GLT1D1: variants seen among roughly 807,000 people sequenced by gnomAD.
GLT1D1 encodes the protein glycosyltransferase 1 domain containing 1, also known as glycosyltransferase 1 domain-containing protein 1.
GLT1D1 carries 21 observed loss-of-function variants against 28.7 expected under a neutral mutation model. The observed-to-expected ratio is 0.73, with a 90% CI of 0.52 to 1.05. The LOEUF is 1.05. Ranked by LOEUF, GLT1D1 falls within the 50% of genes least tolerant of loss-of-function variation. The pLI is 0.00. For synonymous variants in GLT1D1, 147 were observed against 124.8 expected, an observed-to-expected ratio of 1.18 and a Z score of -1.19; for missense variants, 343 against 330.6, an observed-to-expected ratio of 1.04 and a Z score of -0.29.
chr12:128,909,862 G>A (rs530481643), intron 4 of GLT1D1, among the ~76,000 whole-genome samples: 1 of 152,344 alleles, frequency 6.6e-6, no homozygotes, highest in East Asian at 1.9e-4. Context: ...GCCATTGTGT[G>A]CACTGATGAG....
At chr12:128,871,563 TATC>T (rs1317894848) in intron 1 of GLT1D1, among the ~76,000 whole-genome samples, 2 of 152,100 alleles carry the variant, frequency 1.3e-5, no homozygotes, top group Non-Finnish European at 2.9e-5. Flanking sequence ...GAGAGAAAAA[TATC>T]ATCCACATAT....
chr12:128,962,019 CT>C (rs1878009564), intron 7 of GLT1D1, among the ~76,000 whole-genome samples: 1 of 152,038 alleles, frequency 6.6e-6, no homozygotes, highest in African/African-American at 2.4e-5. Context: ...GTGTGTGCCC[CT>C]GTCCCCCTCC....
chr12:128,934,428 A>G (rs1267617228), intron 4 of GLT1D1, among the ~76,000 whole-genome samples: 3 of 152,254 alleles, frequency 2.0e-5, no homozygotes, highest in East Asian at 3.9e-4. Flanking sequence ...TCCTGACTTC[A>G]GGTGATCCAC....
chr12:128,967,524 C>T (rs143923520), intron 7 of GLT1D1, among the ~76,000 whole-genome samples: 2,447 of 152,332 alleles, frequency 0.016, 29 homozygotes, highest in Middle Eastern at 0.031. Flanking sequence ...CTCCCTTCCC[C>T]TGGAAAAAAA....
chr12:128,911,395 T>C (rs536381242), intron 4 of GLT1D1, among the ~76,000 whole-genome samples: 2 of 152,204 alleles, frequency 1.3e-5, no homozygotes, highest in Non-Finnish European at 2.9e-5. Flanking sequence ...CCAACGTGGA[T>C]CAGCATACCC....
At chr12:128,959,191 C>T (rs1877635911) in intron 7 of GLT1D1, among the ~76,000 whole-genome samples, 1 of 151,646 alleles carries the variant, frequency 6.6e-6, no homozygotes, top group Non-Finnish European at 1.5e-5. Context: ...TTTATTAAAG[C>T]ACATATGATA....
chr12:128,853,519 G>T lies in GLT1D1; in HGVS notation c.-63G>T. 1 of 1,013,170 alleles carries T rather than the reference G, an allele frequency of 9.9e-7. No homozygotes were observed. The highest frequency in any genetic ancestry group is 1.2e-6 in the Non-Finnish European group (1 of 850,078). 62.8% of individuals were successfully genotyped at this position (1,013,170 alleles called of 1,614,324 possible). A position where few individuals can be genotyped will look rare whatever the true frequency, so the allele number is the denominator to read the frequency against. On this transcript the variant is annotated 5_prime_UTR_variant, in exon 1 of 8. Coordinates refer to ENST00000281703, the MANE Select transcript of GLT1D1 (RefSeq NM_144669.3). ...CGGCTCCCCCGCCGTCCGCGTCTGCGCCGGCCCCGGGGCCTGGTCGGCGGC... is the reference window on the plus strand; with the variant it reads ...CGGCTCCCCCGCCGTCCGCGTCTGCTCCGGCCCCGGGGCCTGGTCGGCGGC...
At chr12:128,958,586 C>CAAAAAAAA (rs1164628353) in intron 7 of GLT1D1, among the ~76,000 whole-genome samples, 1 of 74,438 alleles carries the variant, frequency 1.3e-5, no homozygotes, top group Non-Finnish European at 2.4e-5. Flanking sequence ...ATTAAAAAGA[C>CAAAAAAAA]AAAAAAAAAA....
At chr12:128,925,784 C>T (rs1194692524) in intron 4 of GLT1D1, among the ~76,000 whole-genome samples, 1 of 152,186 alleles carries the variant, frequency 6.6e-6, no homozygotes, top group East Asian at 1.9e-4. Flanking sequence ...TGAGTCAGTT[C>T]CCCCGTGCCT....
intron 1 of GLT1D1, among the ~76,000 whole-genome samples, chr12:128,861,758 G>A (rs569531448): frequency 1.3e-5 from 2 of 152,056 alleles, no homozygotes; most frequent in African/African-American, 4.8e-5. Context: ...GAAAGCGAAG[G>A]AAGAAATGCA....
chr12:128,911,817 G>A (rs901019859), intron 4 of GLT1D1, among the ~76,000 whole-genome samples: 10 of 151,896 alleles, frequency 6.6e-5, no homozygotes, highest in East Asian at 1.9e-4. Context: ...ATCCATATCC[G>A]TCATGCAAGG....
intron 1 of GLT1D1, among the ~76,000 whole-genome samples, chr12:128,874,152 T>C (rs1176023774): frequency 3.8e-5 from 5 of 129,964 alleles, no homozygotes; most frequent in Admixed American, 8.5e-5. Flanking sequence ...CTTTCTTTCT[T>C]TCTTTCTTTC....
chr12:128,908,032 C>T (rs1371262475), intron 4 of GLT1D1, among the ~76,000 whole-genome samples: 1 of 152,186 alleles, frequency 6.6e-6, no homozygotes, highest in Non-Finnish European at 1.5e-5. Context: ...TGGGGTGCCA[C>T]ACTCTCATCC....
At chr12:128,970,346 T>A (rs1317239759) in intron 7 of GLT1D1, among the ~76,000 whole-genome samples, 1 of 152,268 alleles carries the variant, frequency 6.6e-6, no homozygotes, top group African/African-American at 2.4e-5. Context: ...TTCCCATCTG[T>A]CCCACTTCTC....
chr12:128,977,518 T>A (rs981045852), intron 7 of GLT1D1, among the ~76,000 whole-genome samples: 2 of 152,130 alleles, frequency 1.3e-5, no homozygotes, highest in African/African-American at 4.8e-5. Flanking sequence ...TTTACATAAA[T>A]ATCCAGAATT....
chr12:128,980,857 C>T (rs1377743191), intron 7 of GLT1D1, among the ~76,000 whole-genome samples: 2 of 152,228 alleles, frequency 1.3e-5, no homozygotes, highest in African/African-American at 2.4e-5. Flanking sequence ...ACCCACTCAA[C>T]GGGGACAGTG....
Position 128,983,227 on chromosome 12 carries a change from T to A in GLT1D1, c.*137T>A. 1.3e-6 allele frequency: 1 copy of A among 745,966 alleles called. No homozygotes were observed. The highest frequency in any genetic ancestry group is 2.2e-6 in the Non-Finnish European group (1 of 453,930). The allele number at this position is 745,966 out of a possible 1,614,324, so 46.2% of individuals were successfully genotyped here. A position where few individuals can be genotyped will look rare whatever the true frequency, so the allele number is the denominator to read the frequency against. On this transcript the variant is annotated 3_prime_UTR_variant, in exon 8 of 8. Transcript: ENST00000281703. The surrounding 1 kb of genome is among the most constrained non-coding windows in gnomAD (Gnocchi z 4.7). ...GCGGAATCCTAGAAAATGTTAGTCGTGAGTCCCCAGAGCCACTGCATTCAT... is the reference window on the plus strand; with the variant it reads ...GCGGAATCCTAGAAAATGTTAGTCGAGAGTCCCCAGAGCCACTGCATTCAT...
chr12:128,864,035 C>CT (rs1956450681), intron 1 of GLT1D1: 1 of 488,638 alleles, frequency 2.0e-6, no homozygotes, highest in Non-Finnish European at 3.7e-6. Context: ...GAGAAGAGCA[C>CT]TAGGGGGACT....
At chr12:128,879,681 T>C (rs2135807087) in intron 2 of GLT1D1, among the ~76,000 whole-genome samples, 1 of 152,260 alleles carries the variant, frequency 6.6e-6, no homozygotes, top group East Asian at 1.9e-4. Context: ...GGTCTCCATC[T>C]CCTGGCTTAA....
Sources: gnomAD v4.1 joint callset for allele counts (sites outside exome capture counted in the v4.1 genomes callset) on GRCh38, gnomAD v4.1.1 for gene constraint, Gnocchi (gnomAD v3.1) non-coding constraint, MANE v1.5 for transcripts, NCBI Gene and HGNC (gene_info 2026-07-23, HGNC 2026-07-21) for gene names.